The following ANKS1B variants were observed in gnomAD, a reference collection of about 807,000 sequenced individuals.
ANKS1B encodes the protein ankyrin repeat and sterile alpha motif domain containing 1B.
A neutral mutation model predicts 148.3 loss-of-function variants in ANKS1B; 36 were observed. The ratio of observed to expected loss-of-function variants is 0.24; its 90% CI spans 0.19 to 0.32. ANKS1B has a LOEUF of 0.32. ANKS1B is among the 10% of genes least tolerant of loss of function. ANKS1B has a pLI of 1.00. For missense variants in ANKS1B, 1,157 were observed against 1,542.6 expected, an observed-to-expected ratio of 0.75 and a Z score of 4.19; for synonymous variants, 542 against 560.8, an observed-to-expected ratio of 0.97 and a Z score of 0.47.
chr12:99,675,227 A>C (rs1398431439), intron 8 of ANKS1B, among the ~76,000 whole-genome samples: 3 of 152,036 alleles, frequency 2.0e-5, no homozygotes, highest in Non-Finnish European at 4.4e-5. Flanking sequence ...CTAGTTATCT[A>C]TACTAAGAGA....
intron 12 of ANKS1B, among the ~76,000 whole-genome samples, chr12:99,292,903 G>A (rs1280299470): frequency 5.9e-5 from 9 of 152,150 alleles, no homozygotes; most frequent in African/African-American, 2.2e-4. Flanking sequence ...ACTGTTGGTG[G>A]GAGTGTAAAT....
intron 4 of ANKS1B, among the ~76,000 whole-genome samples, chr12:99,805,287 A>AAAAAAAAC (rs2067490965): frequency 6.7e-6 from 1 of 149,090 alleles, no homozygotes; most frequent in Non-Finnish European, 1.5e-5. Context: ...AAAAAAAAAA[A>AAAAAAAAC]AGACTAACCC....
At chr12:99,772,429 A>T (rs1307306269) in intron 8 of ANKS1B, among the ~76,000 whole-genome samples, 1 of 152,148 alleles carries the variant, frequency 6.6e-6, no homozygotes, top group Non-Finnish European at 1.5e-5. Context: ...AGCTTATCAA[A>T]GAGAAACCTC....
intron 14 of ANKS1B, among the ~76,000 whole-genome samples, chr12:99,186,794 T>G (rs936996178): frequency 1.3e-5 from 2 of 152,010 alleles, no homozygotes; most frequent in Non-Finnish European, 2.9e-5. Context: ...GGCTGAAAAT[T>G]CCAAAAATCA....
chr12:99,428,219 C>A (rs2095299091), intron 11 of ANKS1B, among the ~76,000 whole-genome samples: 1 of 152,030 alleles, frequency 6.6e-6, no homozygotes, highest in Non-Finnish European at 1.5e-5. Context: ...AGGGTAGAGT[C>A]AAGGCACTGT....
intron 9 of ANKS1B, among the ~76,000 whole-genome samples, chr12:99,530,335 G>T (rs2096975299): frequency 6.6e-6 from 1 of 152,158 alleles, no homozygotes; most frequent in Non-Finnish European, 1.5e-5. Flanking sequence ...TTTATTGCTA[G>T]GCTTACCTTA....
intron 16 of ANKS1B, among the ~76,000 whole-genome samples, chr12:99,067,878 A>G (rs931362608): frequency 2.0e-5 from 3 of 149,408 alleles, no homozygotes; most frequent in South Asian, 2.1e-4. Context: ...GTGTGTGTGC[A>G]TGTGTGTGTG....
intron 25 of ANKS1B, among the ~76,000 whole-genome samples, chr12:98,763,546 A>C (rs879869179): frequency 2.0e-4 from 31 of 152,342 alleles, no homozygotes; most frequent in African/African-American, 7.5e-4. Context: ...AGATGTAGAA[A>C]ATTTTGAAAA....
chr12:99,902,687 A>C (rs1232498845), intron 1 of ANKS1B, among the ~76,000 whole-genome samples: 1 of 152,058 alleles, frequency 6.6e-6, no homozygotes, highest in East Asian at 1.9e-4. Context: ...GATTAGGCAA[A>C]AGTCAGGGTT....
chr12:99,460,349 G>C (rs2095932827), intron 10 of ANKS1B, among the ~76,000 whole-genome samples: 1 of 152,104 alleles, frequency 6.6e-6, no homozygotes, highest in African/African-American at 2.4e-5. Flanking sequence ...CTAGACATTG[G>C]CTTAAGCAAA....
At chr12:99,804,772 T>C (rs1356395016) in intron 4 of ANKS1B, among the ~76,000 whole-genome samples, 2 of 152,156 alleles carry the variant, frequency 1.3e-5, no homozygotes, top group Admixed American at 1.3e-4. Flanking sequence ...GGGTTGCCTT[T>C]ATGACTTGCT....
intron 22 of ANKS1B, among the ~76,000 whole-genome samples, chr12:98,789,172 G>A (rs1018161615): frequency 2.0e-5 from 3 of 151,960 alleles, no homozygotes; most frequent in Admixed American, 1.3e-4. Context: ...GTGAAACCCC[G>A]TCTCTACTAA....
intron 4 of ANKS1B, among the ~76,000 whole-genome samples, chr12:99,797,126 C>G (rs971116164): frequency 6.6e-6 from 1 of 151,940 alleles, no homozygotes; most frequent in South Asian, 2.1e-4. Context: ...GTAAATATGT[C>G]AAACCCATGG....
At chr12:99,714,285 G>T (rs1318750382) in intron 8 of ANKS1B, among the ~76,000 whole-genome samples, 1 of 152,000 alleles carries the variant, frequency 6.6e-6, no homozygotes, top group Non-Finnish European at 1.5e-5. Context: ...GATTTGTCTG[G>T]ACCCACAGAA....
At chr12:99,887,539 T>C (rs769888302) in intron 1 of ANKS1B, among the ~76,000 whole-genome samples, 1 of 152,150 alleles carries the variant, frequency 6.6e-6, no homozygotes, top group Non-Finnish European at 1.5e-5. Flanking sequence ...GGTTGAATAA[T>C]AGAAGACATG....
intron 25 of ANKS1B, among the ~76,000 whole-genome samples, chr12:98,768,530 C>T (rs536468604): frequency 2.0e-5 from 3 of 149,338 alleles, no homozygotes; most frequent in African/African-American, 7.4e-5. Flanking sequence ...GTCGGGAGAT[C>T]GGGACCATCT....
intron 17 of ANKS1B, among the ~76,000 whole-genome samples, chr12:98,847,094 T>A (rs999577068): frequency 9.2e-5 from 14 of 152,224 alleles, no homozygotes; most frequent in African/African-American, 3.4e-4. Flanking sequence ...CTTTCATTAT[T>A]ATTATCATCA....
chr12:99,099,267 C>G (rs181762569), intron 15 of ANKS1B, among the ~76,000 whole-genome samples: 1 of 152,298 alleles, frequency 6.6e-6, no homozygotes, highest in African/African-American at 2.4e-5. Flanking sequence ...AGAAGCTATC[C>G]CAATCCAGAT....
At chr12:99,320,248 G>T (rs990399830) in intron 12 of ANKS1B, among the ~76,000 whole-genome samples, 3 of 152,192 alleles carry the variant, frequency 2.0e-5, no homozygotes, top group East Asian at 1.9e-4. Flanking sequence ...TGCCTTGCTA[G>T]GTTGGGGAAG....
Sources: allele counts gnomAD v4.1 joint callset (sites outside exome capture counted in the v4.1 genomes callset), GRCh38; gene constraint gnomAD v4.1.1; transcripts MANE v1.5; gene names NCBI Gene and HGNC (gene_info 2026-07-23, HGNC 2026-07-21).